Variants in TRPM3 observed in about 807,000 individuals in gnomAD.
TRPM3 encodes transient receptor potential cation channel subfamily M member 3.
Under a neutral mutation model 181.2 loss-of-function variants are expected in TRPM3, and 77 were observed. That is an observed-to-expected ratio of 0.42 (90% confidence interval 0.35 to 0.51). The LOEUF is 0.51. Among genes scored for constraint, TRPM3 ranks in the 20% least tolerant of loss-of-function variants. The probability of loss-of-function intolerance (pLI) is 0.01; values close to 1 mark genes in which losing one functional copy is unlikely to be tolerated. For missense variants in TRPM3, 1,759 were observed against 2,196.7 expected (o/e 0.80, Z 3.98); for synonymous variants, 745 against 796.4 (o/e 0.94, Z 1.09).
intron 8 of TRPM3, among the ~76,000 whole-genome samples, chr9:70,685,487 C>G (rs965916929): frequency 6.6e-6 from 1 of 152,120 alleles, no homozygotes; most frequent in Non-Finnish European, 1.5e-5. Context: ...CTCAGTATAA[C>G]CTTGAACTCC....
At chr9:70,558,658 T>C (rs770548174) in intron 22 of TRPM3, among the ~76,000 whole-genome samples, 8 of 152,198 alleles carry the variant, frequency 5.3e-5, no homozygotes, top group Non-Finnish European at 1.0e-4. Context: ...GTAGGATTAA[T>C]GCAGCTGGGA....
intron 15 of TRPM3, 140 bp downstream of exon 15, chr9:70,621,104 T>C (rs2063562477): frequency 4.7e-6 from 1 of 214,606 alleles, no homozygotes; most frequent in Non-Finnish European, 9.0e-6. Context: ...ATTTATAGTA[T>C]ATATATATTA....
chr9:71,363,862 T>G (rs1050098544), intron 1 of TRPM3, among the ~76,000 whole-genome samples: 1 of 152,140 alleles, frequency 6.6e-6, no homozygotes, highest in African/African-American at 2.4e-5. Flanking sequence ...GAGCCTGGCA[T>G]AGACCCCACT....
At chr9:70,934,378 T>C (rs761845407) in intron 1 of TRPM3, among the ~76,000 whole-genome samples, 2 of 152,156 alleles carry the variant, frequency 1.3e-5, no homozygotes, top group Admixed American at 6.5e-5. Context: ...GTGACTGTTA[T>C]GTGGTAAAAC....
chr9:71,196,756 C>T (rs2078395215), intron 1 of TRPM3, among the ~76,000 whole-genome samples: 1 of 151,930 alleles, frequency 6.6e-6, no homozygotes, highest in South Asian at 2.1e-4. Flanking sequence ...ACATGTGTTT[C>T]AAAGAAAACT....
At chr9:71,254,237 G>A (rs1236016577) in intron 1 of TRPM3, among the ~76,000 whole-genome samples, 1 of 152,092 alleles carries the variant, frequency 6.6e-6, no homozygotes, top group Non-Finnish European at 1.5e-5. Flanking sequence ...TATTTTAAGT[G>A]AGATAAACCA....
chr9:71,292,365 A>G (rs1284469960), intron 1 of TRPM3, among the ~76,000 whole-genome samples: 1 of 152,046 alleles, frequency 6.6e-6, no homozygotes, highest in African/African-American at 2.4e-5. Context: ...AGAAGATGTG[A>G]GAGAATTAAC....
At chr9:70,948,911 A>G (rs1169146383) in intron 1 of TRPM3, among the ~76,000 whole-genome samples, 1 of 152,134 alleles carries the variant, frequency 6.6e-6, no homozygotes, top group African/African-American at 2.4e-5. Context: ...ATCATATTGT[A>G]TCCTTACTAC....
intron 1 of TRPM3, among the ~76,000 whole-genome samples, chr9:70,995,467 C>G (rs987027008): frequency 6.6e-6 from 1 of 152,094 alleles, no homozygotes. Context: ...CCCAAACACA[C>G]TGGATCTATT....
chr9:70,905,567 C>T lies in TRPM3; in HGVS notation c.178-41056G>A, dbSNP rs141744318. Among the ~76,000 whole-genome samples the T allele has an allele frequency of 4.3e-3, 655 of 152,250 alleles. 5 individuals are homozygous for T. The highest frequency in any genetic ancestry group is 8.2e-3 in the Admixed American group (126 of 15,280). On this transcript the variant is annotated intron_variant, in intron 1 of 25. Transcript: ENST00000677713. Reference sequence around the variant, plus strand: ...AGTTATTCTGAAGAGTAACATACTACTGTATAGACAGGCCAACAAGATTTA... The same window carrying T: ...AGTTATTCTGAAGAGTAACATACTATTGTATAGACAGGCCAACAAGATTTA...
intron 6 of TRPM3, among the ~76,000 whole-genome samples, chr9:70,805,534 GAAAAAA>G (rs534322844): frequency 1.6e-4 from 13 of 82,692 alleles, no homozygotes; most frequent in Non-Finnish European, 3.0e-4. Flanking sequence ...ACTCCATCTC[GAAAAAA>G]AAAAAAAAAA....
In TRPM3 at chr9:70,786,311, C is replaced by CAAAAAAAAAAA. The variant is rs71367227; in HGVS notation, c.974-2043_974-2033dup. ...GAAACCCTGTCACTACTAAAAATACCAAAAAAAAAAAAAAAAAAAAAAAAT... is the reference window on the plus strand; with the variant it reads ...GAAACCCTGTCACTACTAAAAATACCAAAAAAAAAAAAAAAAAAAAAAAAAAAAAAAAAAAT... On this transcript the variant is annotated intron_variant, in intron 6 of 25. Coordinates refer to ENST00000677713, the MANE Select transcript of TRPM3 (RefSeq NM_001366145.2). Among the ~76,000 whole-genome samples, 68 of 54,450 alleles carry CAAAAAAAAAAA rather than the reference C, an allele frequency of 1.2e-3. 2 individuals are homozygous for CAAAAAAAAAAA. The highest frequency in any genetic ancestry group is 3.2e-3 in the African/African-American group (46 of 14,262). 35.7% of individuals were successfully genotyped at this position (54,450 alleles called of 152,430 possible).
intron 1 of TRPM3, among the ~76,000 whole-genome samples, chr9:71,087,517 C>T (rs773207264): frequency 6.6e-6 from 1 of 151,970 alleles, no homozygotes; most frequent in Non-Finnish European, 1.5e-5. Flanking sequence ...ACCCTTTGAA[C>T]TCATGGAGGG....
intron 1 of TRPM3, among the ~76,000 whole-genome samples, chr9:71,408,567 A>G (rs1348216287): frequency 2.0e-5 from 3 of 152,228 alleles, no homozygotes; most frequent in African/African-American, 7.2e-5. Flanking sequence ...AAGAGTAAAA[A>G]GAAATGAACA....
chr9:71,415,984 A>G (rs1009301363), intron 1 of TRPM3, among the ~76,000 whole-genome samples: 8 of 151,828 alleles, frequency 5.3e-5, no homozygotes, highest in African/African-American at 1.9e-4. Flanking sequence ...AACACATTTT[A>G]AAAGTAATCT....
intron 1 of TRPM3, among the ~76,000 whole-genome samples, chr9:71,276,196 C>A (rs10429473): frequency 0.53 from 80,697 of 151,460 alleles, 21,642 homozygotes; most frequent in African/African-American, 0.62. Flanking sequence ...ACATACGTGG[C>A]AAAAAATCCC....
intron 1 of TRPM3, among the ~76,000 whole-genome samples, chr9:71,436,997 C>T (rs1293322176): frequency 6.6e-6 from 1 of 152,138 alleles, no homozygotes; most frequent in Non-Finnish European, 1.5e-5. Context: ...CTTTAATTGG[C>T]CTCCACAATT....
chr9:70,740,062 CT>C (rs766314911), intron 8 of TRPM3, among the ~76,000 whole-genome samples: 53 of 152,100 alleles, frequency 3.5e-4, no homozygotes, highest in Non-Finnish European at 6.5e-4. Context: ...GATCATATAC[CT>C]AGAAAACTCT....
intron 1 of TRPM3, among the ~76,000 whole-genome samples, chr9:71,323,459 G>C (rs541573541): frequency 6.6e-6 from 1 of 152,008 alleles, no homozygotes; most frequent in Admixed American, 6.6e-5. Flanking sequence ...TGAGAAAATT[G>C]ATCTGAATGT....
Sources: allele counts gnomAD v4.1 joint callset (sites outside exome capture counted in the v4.1 genomes callset), GRCh38; gene constraint gnomAD v4.1.1; transcripts MANE v1.5; gene names NCBI Gene and HGNC (gene_info 2026-07-23, HGNC 2026-07-21).